Variants in TMEM114 observed in about 807,000 individuals in gnomAD.
TMEM114 encodes the protein claudin-26.
TMEM114 carries 6 observed loss-of-function variants against 6.2 expected under a neutral mutation model. The observed-to-expected ratio is 0.97, with a 90% CI of 0.53 to 1.91. TMEM114 has a LOEUF of 1.91. TMEM114 is among the 40% of genes most tolerant of loss of function. TMEM114 has a pLI of 0.01. For synonymous variants in TMEM114, 104 were observed against 73.0 expected (o/e 1.42, Z -2.16); for missense variants, 218 against 158.3 (o/e 1.38, Z -2.02).
chr16:8,527,617 C>T, the TMEM114 span, among the ~76,000 whole-genome samples: 2 of 152,166 alleles, frequency 1.3e-5, no homozygotes, highest in Non-Finnish European at 2.9e-5. Flanking sequence ...CTGTACTAAG[C>T]CCCTTTCTTG....
chr16:8,580,958 C>G lies in TMEM114; in HGVS notation c.301+8255G>C, dbSNP rs1902128450. Reference sequence around the variant, plus strand: ...CCACCTGCCTCGGCCTCCCAAAGTGCTGGGATTACAGGCGTGAGCCACCAT... The same window carrying G: ...CCACCTGCCTCGGCCTCCCAAAGTGGTGGGATTACAGGCGTGAGCCACCAT... On this transcript the variant is annotated intron_variant, in intron 2 of 3. Coordinates refer to ENST00000620492, the MANE Select transcript of TMEM114 (RefSeq NM_001146336.2). Among the ~76,000 whole-genome samples the G allele has an allele frequency of 3.9e-5, 6 of 152,212 alleles. 1 individual carries two copies. The South Asian group carries it at 1.2e-3, about 32-fold the overall frequency.
chr16:8,542,823 C>A (rs971282746), intron 2 of TMEM114, among the ~76,000 whole-genome samples: 22 of 152,128 alleles, frequency 1.4e-4, no homozygotes, highest in Non-Finnish European at 2.6e-4. Context: ...CCAGCTCTTC[C>A]CCACATCCTC....
downstream of TMEM114, among the ~76,000 whole-genome samples, chr16:8,533,518 T>G (rs778799590): frequency 9.9e-5 from 15 of 152,246 alleles, no homozygotes; most frequent in Non-Finnish European, 1.9e-4. Flanking sequence ...TATATTATTC[T>G]AAGTGTAATA....
At chr16:8,529,663 G>C in the TMEM114 span, among the ~76,000 whole-genome samples, 1 of 151,712 alleles carries the variant, frequency 6.6e-6, no homozygotes, top group Non-Finnish European at 1.5e-5. Context: ...ACTAAAATTT[G>C]AGAACCATTG....
intron 2 of TMEM114, among the ~76,000 whole-genome samples, chr16:8,543,090 C>T (rs572346147): frequency 3.9e-5 from 6 of 152,202 alleles, no homozygotes; most frequent in South Asian, 2.1e-4. Flanking sequence ...AATTTTTCCC[C>T]CTTTCAGCAT....
At chr16:8,553,949 G>C (rs982180816) in intron 2 of TMEM114, among the ~76,000 whole-genome samples, 3 of 151,174 alleles carry the variant, frequency 2.0e-5, no homozygotes, top group Non-Finnish European at 4.4e-5. Context: ...TGCAATCTCA[G>C]CTCACTGCAA....
chr16:8,567,487 C>G (rs1050619096), downstream of TMEM114, among the ~76,000 whole-genome samples: 1 of 152,156 alleles, frequency 6.6e-6, no homozygotes, highest in African/African-American at 2.4e-5. Context: ...TTGTTATTGT[C>G]CATTATTGCT....
At chr16:8,552,236 T>A (rs920538438) in intron 2 of TMEM114, among the ~76,000 whole-genome samples, 1 of 151,808 alleles carries the variant, frequency 6.6e-6, no homozygotes, top group Non-Finnish European at 1.5e-5. Flanking sequence ...ATTTTAATAT[T>A]AGCCAGGCAT....
At chr16:8,566,266 A>G (rs1901540456), downstream of TMEM114, among the ~76,000 whole-genome samples, 1 of 151,954 alleles carries the variant, frequency 6.6e-6, no homozygotes, top group Non-Finnish European at 1.5e-5. Flanking sequence ...AGTCCCAGCT[A>G]CTGGGGAGGC....
intron 2 of TMEM114, 65 bp from the exon 3 acceptor site, chr16:8,572,289 A>C: frequency 6.5e-7 from 1 of 1,535,510 alleles, no homozygotes; most frequent in Non-Finnish European, 8.8e-7. Context: ...TCAATCAACA[A>C]ACACTTCCCG....
intron 2 of TMEM114, among the ~76,000 whole-genome samples, chr16:8,564,235 T>G (rs62646484): frequency 0.027 from 1,289 of 48,582 alleles, 99 homozygotes; most frequent in African/African-American, 0.15. Flanking sequence ...ATGAGTGAGT[T>G]AGTGAATGAG....
intron 2 of TMEM114, among the ~76,000 whole-genome samples, chr16:8,577,773 G>T (rs1901991865): frequency 6.6e-6 from 1 of 151,808 alleles, no homozygotes; most frequent in Non-Finnish European, 1.5e-5. Flanking sequence ...TTTTAGTAGA[G>T]ACGGCATTTC....
In TMEM114 at chr16:8,547,696, G is replaced by T. The variant is rs77351108; in HGVS notation, n.213-9870C>A. 5.5e-3 allele frequency among the ~76,000 whole-genome samples: 835 copies of T among 152,110 alleles called. 31 individuals are homozygous for T. The East Asian group carries it at 0.1, about 19-fold the overall frequency. Reference sequence around the variant, plus strand: ...ATGAGCCACCGCACCCAGCCAGCACGCTCTCTTTACTGAACACAAAGGTTG... The same window carrying T: ...ATGAGCCACCGCACCCAGCCAGCACTCTCTCTTTACTGAACACAAAGGTTG... On this transcript the variant is annotated intron_variant and non_coding_transcript_variant, in intron 2 of 2. Coordinates refer to the TMEM114 transcript ENST00000623677.
downstream of TMEM114, among the ~76,000 whole-genome samples, chr16:8,534,078 G>A (rs983830768): frequency 1.3e-5 from 2 of 152,138 alleles, no homozygotes; most frequent in African/African-American, 4.8e-5. Context: ...CTCTAGCCCT[G>A]CAGCCTTGCC....
In TMEM114 at chr16:8,564,489, A is replaced by ATGAGTAAATGAGTGAG. The variant is rs1901449027; in HGVS notation, n.212+24723_212+24724insCTCACTCATTTACTCA. Among the ~76,000 whole-genome samples the ATGAGTAAATGAGTGAG allele has an allele frequency of 2.1e-5, 2 of 96,968 alleles. 1 individual carries two copies. The highest frequency in any genetic ancestry group is 4.0e-5 in the Non-Finnish European group (2 of 49,512). 63.6% of individuals were successfully genotyped at this position (96,968 alleles called of 152,430 possible). A position where few individuals can be genotyped will look rare whatever the true frequency, so the allele number is the denominator to read the frequency against. Reference sequence around the variant, plus strand: ...AGTGAGGGAGGGACGGAGGGAATGAATGAGTGAATGAGTGAGTAAATGAGT... The same window carrying ATGAGTAAATGAGTGAG: ...AGTGAGGGAGGGACGGAGGGAATGAATGAGTAAATGAGTGAGTGAGTGAATGAGTGAGTAAATGAGT... On this transcript the variant is annotated intron_variant and non_coding_transcript_variant, in intron 2 of 2. Transcript: ENST00000623677.
intron 2 of TMEM114, among the ~76,000 whole-genome samples, chr16:8,586,374 G>T (rs79040989): frequency 0.011 from 1,714 of 152,086 alleles, 39 homozygotes; most frequent in African/African-American, 0.04. Flanking sequence ...ATCTCATTTT[G>T]ACGGATGTGA....
chr16:8,571,618 C>T (rs1901735490), intron 3 of TMEM114, among the ~76,000 whole-genome samples: 1 of 137,966 alleles, frequency 7.2e-6, no homozygotes, highest in African/African-American at 2.6e-5. Flanking sequence ...GTTCCATTCT[C>T]TCTTTCTGTG....
At chr16:8,585,987 G>C (rs1175259858) in intron 2 of TMEM114, among the ~76,000 whole-genome samples, 1 of 152,216 alleles carries the variant, frequency 6.6e-6, no homozygotes, top group Non-Finnish European at 1.5e-5. Flanking sequence ...TGTGAGTTCT[G>C]CTCTGTCTCA....
intron 2 of TMEM114, among the ~76,000 whole-genome samples, chr16:8,549,205 A>G (rs1349669870): frequency 1.3e-5 from 2 of 149,342 alleles, no homozygotes; most frequent in Non-Finnish European, 3.0e-5. Flanking sequence ...AAAAAAAAGA[A>G]TGCATGATCT....
Sources: gnomAD v4.1 joint callset for allele counts (sites outside exome capture counted in the v4.1 genomes callset) on GRCh38, gnomAD v4.1.1 for gene constraint, MANE v1.5 for transcripts, NCBI Gene and HGNC (gene_info 2026-07-23, HGNC 2026-07-21) for gene names.